FANCE: variants seen among roughly 807,000 people sequenced by gnomAD.
FANCE encodes Fanconi anemia group E protein.
Under a neutral mutation model 57.8 loss-of-function variants are expected in FANCE, and 42 were observed. The observed-to-expected ratio is 0.73, with a 90% confidence interval of 0.57 to 0.94. The LOEUF (loss-of-function observed/expected upper bound fraction) is 0.94. Ranked by LOEUF, FANCE falls within the 40% of genes least tolerant of loss-of-function variation. FANCE has a pLI of 0.00. For synonymous variants in FANCE, 251 were observed against 286.4 expected, an observed-to-expected ratio of 0.88 and a Z score of 1.25; for missense variants, 608 against 661.8, an observed-to-expected ratio of 0.92 and a Z score of 0.89.
chr6:35,456,484 A>C lies in FANCE; in HGVS notation c.855+131A>C. 8.2e-7 allele frequency: 1 copy of C among 1,213,714 alleles called. No individual in the cohort carries two copies. The highest frequency in any genetic ancestry group is 1.2e-6 in the Non-Finnish European group (1 of 823,964). The allele number at this position is 1,213,714 out of a possible 1,614,324, so 75.2% of individuals were successfully genotyped here. ...TTCCTGGAGGAAGAAGGAGGAAGGTAGGGTTGAGGGAATGTAGCCTCCACT... is the reference window on the plus strand; with the variant it reads ...TTCCTGGAGGAAGAAGGAGGAAGGTCGGGTTGAGGGAATGTAGCCTCCACT... On this transcript the variant is annotated intron_variant, in intron 2 of 9. Transcript: ENST00000229769. The surrounding 1 kb of genome is among the most constrained non-coding windows in gnomAD (Gnocchi z 4.3).
intron 5 of FANCE, 107 bp from the exon 6 acceptor site, chr6:35,459,224 T>C: frequency 3.7e-6 from 5 of 1,341,296 alleles, no homozygotes; most frequent in Non-Finnish European, 5.2e-6. Context: ...AAGAACTTGG[T>C]TTTTTTTTTC....
chr6:35,464,419 A>G (rs897747626), intron 9 of FANCE, among the ~76,000 whole-genome samples: 6 of 151,330 alleles, frequency 4.0e-5, no homozygotes, highest in African/African-American at 1.5e-4. Context: ...TTGTATTTTT[A>G]GTAGAGATGG....
rs766747763 is a variant in FANCE, at chr6:35,458,375, G to C, written c.1048G>C (p.Ala350Pro). Reference protein sequence around the residue: ...GLLRLCTWLLALSPDLSLSNA... With the variant: ...GLLRLCTWLLPLSPDLSLSNA... Reference sequence around the variant, plus strand: ...CCTGCGGCTCTGCACCTGGCTGCTGGCCCTTTCACCTGATCTCAGCCTCAG... The same window carrying C: ...CCTGCGGCTCTGCACCTGGCTGCTGCCCCTTTCACCTGATCTCAGCCTCAG... Residue 350 changes from alanine (A) to proline (P), a missense_variant, in exon 5 of 10, where the codon GCC (alanine) becomes CCC (proline). Physicochemically the swap from Ala to Pro is conservative, Grantham distance 27 (BLOSUM62 -1). Transcript: ENST00000229769. 6.8e-6 allele frequency: 11 copies of C among 1,614,140 alleles called. No homozygotes were observed. The highest frequency in any genetic ancestry group is 9.3e-6 in the Non-Finnish European group (11 of 1,180,036).
Position 35,457,501 on chromosome 6 carries a change from T to G in FANCE, c.856-55T>G. ...TCAGTAGGGGGAGCCAGAACCGGGC[T>G]TGGGGTCATGCTGCAGGGGGAGGGA... is the stretch of plus-strand genomic sequence containing the variant. On this transcript the variant is annotated intron_variant, in intron 2 of 9. Coordinates refer to ENST00000229769, the MANE Select transcript of FANCE (RefSeq NM_021922.3). The G allele has an allele frequency of 1.9e-6, 3 of 1,602,396 alleles. No homozygotes were observed. In the South Asian group the frequency reaches 3.3e-5, roughly 18 times the overall value.
intron 3 of FANCE, 48 bp downstream of exon 3, chr6:35,457,648 C>A: frequency 6.2e-7 from 1 of 1,600,070 alleles, no homozygotes. Context: ...CATCTTCTAC[C>A]CAGACCCCAA....
intron 1 of FANCE, among the ~76,000 whole-genome samples, chr6:35,453,415 C>T (rs1009745804): frequency 6.6e-6 from 1 of 151,966 alleles, no homozygotes; most frequent in Non-Finnish European, 1.5e-5. Flanking sequence ...GATATTATCT[C>T]CAATTTTTTG....
At chr6:35,455,300 C>G (rs753752252) in intron 1 of FANCE, among the ~76,000 whole-genome samples, 44 of 151,822 alleles carry the variant, frequency 2.9e-4, no homozygotes, top group Non-Finnish European at 5.9e-4. Context: ...TCTCCATCCA[C>G]TGACTTTTTT....
intron 9 of FANCE, among the ~76,000 whole-genome samples, chr6:35,464,438 C>T (rs1767725092): frequency 6.6e-6 from 1 of 151,360 alleles, no homozygotes; most frequent in Non-Finnish European, 1.5e-5. Context: ...GGGGTTTCAC[C>T]CTGTTAGCCA....
At position 35,452,403 on chromosome 6, in the gene FANCE, A is replaced by G. The variant is rs1767137263; in HGVS notation, c.-143A>G. ...GCGGCCGGGTTTCTCCGGTCTCCCA[A>G]CGCCGAGGAGAGCTTGTAACAGGCG... On this transcript the variant is annotated 5_prime_UTR_variant, in exon 1 of 10. Coordinates refer to ENST00000229769, the MANE Select transcript of FANCE (RefSeq NM_021922.3). 2.1e-6 allele frequency: 2 copies of G among 931,152 alleles called. No homozygotes were observed. Among genetic ancestry groups the G allele is most frequent in the African/African-American group, 1.7e-5 (1 of 57,882 alleles). 57.7% of individuals were successfully genotyped at this position (931,152 alleles called of 1,614,324 possible).
At chr6:35,465,167 A>G (rs935651049) in intron 9 of FANCE, among the ~76,000 whole-genome samples, 1 of 151,434 alleles carries the variant, frequency 6.6e-6, no homozygotes, top group African/African-American at 2.4e-5. Flanking sequence ...AGCTGTATAT[A>G]TGTATGTATG....
Position 35,463,055 on chromosome 6 carries a change from C to T in FANCE, c.1509+141C>T, listed in dbSNP as rs374711729. The stretch of plus-strand genomic sequence containing the variant: ...GTGGCTCACGCCTGTAATCTCAGCA[C>T]TTTGGGAGGCCGAGGCAGGCGGATC... On this transcript the variant is annotated intron_variant, in intron 9 of 9. Coordinates refer to ENST00000229769, the MANE Select transcript of FANCE (RefSeq NM_021922.3). 7.6e-6 allele frequency: 9 copies of T among 1,178,954 alleles called. No homozygotes were observed. In the East Asian group the frequency reaches 1.2e-4, roughly 16 times the overall value. 73.0% of individuals were successfully genotyped at this position (1,178,954 alleles called of 1,614,324 possible).
intron 9 of FANCE, among the ~76,000 whole-genome samples, chr6:35,463,917 G>T (rs1298005203): frequency 6.6e-6 from 1 of 152,100 alleles, no homozygotes; most frequent in Non-Finnish European, 1.5e-5. Context: ...GCCCGCCTCG[G>T]CCTCCAAAAG....
intron 1 of FANCE, 126 bp downstream of exon 1, chr6:35,452,919 C>T: frequency 9.9e-7 from 1 of 1,005,308 alleles, no homozygotes; most frequent in Non-Finnish European, 1.3e-6. Context: ...AGCAGGGGCA[C>T]CCTTCACTGA....
intron 1 of FANCE, among the ~76,000 whole-genome samples, chr6:35,454,072 GTTT>G (rs60976228): frequency 6.9e-6 from 1 of 145,178 alleles, no homozygotes; most frequent in African/African-American, 2.5e-5. Flanking sequence ...TGTTTGTTTT[GTTT>G]TTTTTTTTGA....
chr6:35,460,715 G>A, intron 8 of FANCE, 97 bp downstream of exon 8: 2 of 1,100,274 alleles, frequency 1.8e-6, no homozygotes, highest in Non-Finnish European at 2.7e-6. Flanking sequence ...AGTGCATGGA[G>A]GGTCAAGCAG....
chr6:35,464,962 C>T (rs567510369), intron 9 of FANCE, among the ~76,000 whole-genome samples: 1 of 151,058 alleles, frequency 6.6e-6, no homozygotes, highest in Non-Finnish European at 1.5e-5. Flanking sequence ...TCTCGATCTC[C>T]TGACCTTGTG....
Position 35,456,481 on chromosome 6 carries a change from G to T in FANCE, c.855+128G>T. 8.0e-7 allele frequency: 1 copy of T among 1,246,550 alleles called. No homozygotes were observed. The highest frequency in any genetic ancestry group is 1.2e-6 in the Non-Finnish European group (1 of 852,276). 77.2% of individuals were successfully genotyped at this position (1,246,550 alleles called of 1,614,324 possible). The stretch of plus-strand genomic sequence containing the variant: ...TAGTTCCTGGAGGAAGAAGGAGGAA[G>T]GTAGGGTTGAGGGAATGTAGCCTCC... On this transcript the variant is annotated intron_variant, in intron 2 of 9. Transcript: ENST00000229769. This position sits in a 1 kb window ranked among gnomAD's most constrained non-coding sequence, Gnocchi z 4.3.
At position 35,452,486 on chromosome 6, in the gene FANCE, C is replaced by T; in HGVS notation, c.-60C>T. ...CGGCGCTGGAGTCCTCCGTTCCCCTCAGCCTCTGAGCTGAGGCCCCACACC... is the reference window on the plus strand; with the variant it reads ...CGGCGCTGGAGTCCTCCGTTCCCCTTAGCCTCTGAGCTGAGGCCCCACACC... On this transcript the variant is annotated 5_prime_UTR_variant, in exon 1 of 10. Transcript: ENST00000229769. 1.6e-6 allele frequency: 2 copies of T among 1,219,722 alleles called. No homozygotes were observed. Among genetic ancestry groups the T allele is most frequent in the Non-Finnish European group, 1.0e-6 (1 of 978,632 alleles). 75.6% of individuals were successfully genotyped at this position (1,219,722 alleles called of 1,614,324 possible). A position where few individuals can be genotyped will look rare whatever the true frequency, so the allele number is the denominator to read the frequency against.
intron 1 of FANCE, 68 bp downstream of exon 1, chr6:35,452,861 C>T: frequency 2.4e-6 from 3 of 1,258,272 alleles, no homozygotes; most frequent in Non-Finnish European, 3.0e-6. Context: ...ACGACACACA[C>T]AGAGGTGAAA....
Sources: gnomAD v4.1 joint callset for allele counts (sites outside exome capture counted in the v4.1 genomes callset) on GRCh38, gnomAD v4.1.1 for gene constraint, Gnocchi (gnomAD v3.1) non-coding constraint, MANE v1.5 for transcripts, NCBI Gene and HGNC (gene_info 2026-07-23, HGNC 2026-07-21) for gene names.